The following PTPRD variants were observed in gnomAD, a reference collection of about 807,000 sequenced individuals.
The protein encoded by PTPRD is protein tyrosine phosphatase receptor type D.
A neutral mutation model predicts 214.5 loss-of-function variants in PTPRD; 34 were observed. The observed-to-expected ratio is 0.16, with a 90% CI of 0.12 to 0.21. The LOEUF is 0.21. Among genes scored for constraint, PTPRD ranks in the 10% least tolerant of loss-of-function variants. The pLI is 1.00. For synonymous variants in PTPRD, 1,128 were observed against 845.7 expected (o/e 1.33, Z -5.79); for missense variants, 2,545 against 2,398.7 (o/e 1.06, Z -1.27).
At chr9:8,352,650 C>T (rs1037549065) in intron 39 of PTPRD, among the ~76,000 whole-genome samples, 1 of 152,122 alleles carries the variant, frequency 6.6e-6, no homozygotes, top group African/African-American at 2.4e-5. Context: ...TGCTATTACT[C>T]CTGATTCAGG....
chr9:9,067,912 A>G (rs2099737469), intron 10 of PTPRD, among the ~76,000 whole-genome samples: 1 of 152,174 alleles, frequency 6.6e-6, no homozygotes, highest in Admixed American at 6.5e-5. Flanking sequence ...TAGAATGAAG[A>G]CACAGAACTG....
intron 11 of PTPRD, among the ~76,000 whole-genome samples, chr9:8,763,583 A>T (rs192889100): frequency 1.8e-4 from 28 of 151,470 alleles, no homozygotes; most frequent in Admixed American, 1.6e-3. Context: ...ATAGTATAAC[A>T]TAACACTATA....
At chr9:8,330,315 C>G (rs73643610) in intron 44 of PTPRD, among the ~76,000 whole-genome samples, 15,250 of 152,186 alleles carry the variant, frequency 0.1, 891 homozygotes, top group African/African-American at 0.14. Flanking sequence ...ATTCAGCCAT[C>G]TTTCCAGCTC....
intron 2 of PTPRD, among the ~76,000 whole-genome samples, chr9:10,408,332 G>A (rs2098397974): frequency 6.6e-6 from 1 of 151,490 alleles, no homozygotes; most frequent in South Asian, 2.1e-4. Context: ...TGTGAAATTT[G>A]GAGTTAGCCT....
chr9:10,521,967 T>C (rs2134220206), intron 2 of PTPRD, among the ~76,000 whole-genome samples: 1 of 152,258 alleles, frequency 6.6e-6, no homozygotes, highest in Admixed American at 6.5e-5. Flanking sequence ...CTCTCTGAGG[T>C]ATGTCTGTAT....
intron 9 of PTPRD, among the ~76,000 whole-genome samples, chr9:9,233,213 G>A (rs1005373039): frequency 1.3e-5 from 2 of 152,104 alleles, no homozygotes; most frequent in Non-Finnish European, 2.9e-5. Context: ...ATGGCAGAAG[G>A]CACCTCTTCT....
intron 12 of PTPRD, among the ~76,000 whole-genome samples, chr9:8,693,372 G>A (rs1002081020): frequency 3.9e-5 from 6 of 152,084 alleles, no homozygotes; most frequent in Non-Finnish European, 5.9e-5. Context: ...CCATGTTGAC[G>A]TACGCCAATG....
chr9:8,564,395 T>C (rs72696669), intron 14 of PTPRD, among the ~76,000 whole-genome samples: 7,665 of 152,202 alleles, frequency 0.05, 335 homozygotes, highest in Admixed American at 0.12. Context: ...AACAATCTTT[T>C]TAAAATAAAA....
At chr9:9,390,453 T>C (rs1012685180) in intron 9 of PTPRD, among the ~76,000 whole-genome samples, 23 of 152,318 alleles carry the variant, frequency 1.5e-4, no homozygotes, top group African/African-American at 5.5e-4. Flanking sequence ...GTAGATTCTG[T>C]CTTGCAGTTC....
intron 3 of PTPRD, among the ~76,000 whole-genome samples, chr9:10,057,862 C>CAAAAAAAAAAACA (rs5896363): frequency 7.1e-6 from 1 of 141,450 alleles, no homozygotes; most frequent in Admixed American, 7.0e-5. Flanking sequence ...AAAAAAAAAA[C>CAAAAAAAAAAACA]AAAAAAAAAG....
intron 39 of PTPRD, among the ~76,000 whole-genome samples, chr9:8,346,416 A>C (rs1255827192): frequency 6.6e-6 from 1 of 152,148 alleles, no homozygotes; most frequent in Non-Finnish European, 1.5e-5. Context: ...TGTGGTTTTG[A>C]CTTTCTGCAA....
chr9:10,130,147 A>G (rs1213954669), intron 3 of PTPRD, among the ~76,000 whole-genome samples: 1 of 149,334 alleles, frequency 6.7e-6, no homozygotes, highest in African/African-American at 2.5e-5. Flanking sequence ...TAGCACTAAC[A>G]GTTTTACATA....
chr9:9,052,339 A>G (rs1042437253), intron 10 of PTPRD, among the ~76,000 whole-genome samples: 1 of 152,240 alleles, frequency 6.6e-6, no homozygotes, highest in Non-Finnish European at 1.5e-5. Flanking sequence ...ATTTATTCAT[A>G]ACATCATTGT....
rs142397137 is a variant in PTPRD, at chr9:8,486,232, C to G, written c.2585G>C (p.Arg862Pro). ...AGTAGTAAGTGGCTCCATATCCTTG[C>G]GGCCAAATTTTAGACGGTAGCCCTG... ...PLQGYRLKFGRKDMEPLTTLE... is the reference protein window; with the variant it reads ...PLQGYRLKFGPKDMEPLTTLE... The change falls in exon 28 of 46, where the codon CGC becomes CCC. Residue 862 changes from arginine to proline, a missense_variant. Physicochemically the swap from Arg to Pro is moderately radical, Grantham distance 103. Coordinates refer to ENST00000381196, the MANE Select transcript of PTPRD (RefSeq NM_002839.4). The G allele has an allele frequency of 1.1e-4, 170 of 1,614,152 alleles. No individual in the cohort carries two copies. The highest frequency in any genetic ancestry group is 1.3e-4 in the Non-Finnish European group (158 of 1,180,026).
chr9:10,166,924 G>C (rs1178546648), intron 3 of PTPRD, among the ~76,000 whole-genome samples: 3 of 151,934 alleles, frequency 2.0e-5, no homozygotes, highest in African/African-American at 7.2e-5. Context: ...ATACCCTATA[G>C]CATGTGCAAA....
At chr9:8,888,555 G>C (rs1337517852) in intron 11 of PTPRD, among the ~76,000 whole-genome samples, 1 of 152,186 alleles carries the variant, frequency 6.6e-6, no homozygotes, top group African/African-American at 2.4e-5. Flanking sequence ...ATTCATAAGA[G>C]GGGCTTTTAT....
chr9:8,815,399 C>G (rs754548568), intron 11 of PTPRD, among the ~76,000 whole-genome samples: 5 of 152,232 alleles, frequency 3.3e-5, no homozygotes, highest in South Asian at 4.1e-4. Flanking sequence ...AAAATGTGAT[C>G]CAGTCTTTCC....
At chr9:8,945,498 A>T (rs180999761) in intron 11 of PTPRD, among the ~76,000 whole-genome samples, 1 of 151,990 alleles carries the variant, frequency 6.6e-6, no homozygotes, top group East Asian at 1.9e-4. Flanking sequence ...ACTGCAATTC[A>T]TCTTGCTCGC....
At chr9:8,842,010 CA>C (rs35878855) in intron 11 of PTPRD, among the ~76,000 whole-genome samples, 11 of 146,826 alleles carry the variant, frequency 7.5e-5, no homozygotes, top group East Asian at 2.0e-4. Flanking sequence ...GACACAGTCT[CA>C]AAAAAAAAAA....
Sources: allele counts gnomAD v4.1 joint callset (sites outside exome capture counted in the v4.1 genomes callset), GRCh38; gene constraint gnomAD v4.1.1; transcripts MANE v1.5; gene names NCBI Gene and HGNC (gene_info 2026-07-23, HGNC 2026-07-21).